GOLGA6L7: variants seen among roughly 807,000 people sequenced by gnomAD.
GOLGA6L7 encodes golgin subfamily A member 6-like protein 7.
A neutral mutation model predicts 68.9 loss-of-function variants in GOLGA6L7; 29 were observed. The observed-to-expected ratio is 0.42, with a 90% CI of 0.31 to 0.57. GOLGA6L7 has a LOEUF of 0.57. Among genes scored for constraint, GOLGA6L7 ranks in the 20% least tolerant of loss-of-function variants. GOLGA6L7 has a pLI of 0.13. For synonymous variants in GOLGA6L7, 133 were observed against 197.4 expected (o/e 0.67, Z 2.73); for missense variants, 396 against 588.4 (o/e 0.67, Z 3.38).
At chr15:28,846,185 G>A (rs1448228535) in intron 3 of GOLGA6L7, 35 bp downstream of exon 3, 20 of 734,898 alleles carry the variant, frequency 2.7e-5, no homozygotes, top group Admixed American at 1.9e-4. Context: ...CAAACCCAGC[G>A]GTCATGTCGT....
intron 2 of GOLGA6L7, 139 bp downstream of exon 2, chr15:28,846,925 C>A (rs76540188): frequency 3.8e-6 from 2 of 532,030 alleles, no homozygotes; most frequent in African/African-American, 3.0e-5. Context: ...GTGTCCCTCG[C>A]AGTTGGAGAG....
At chr15:28,843,711 C>A (rs1397990988) in intron 8 of GOLGA6L7, 23 bp downstream of exon 8, 25 of 645,478 alleles carry the variant, frequency 3.9e-5, no homozygotes, top group Non-Finnish European at 6.1e-5. Context: ...GGCTCCCACA[C>A]CCCCGGGGCT....
chr15:28,844,051 C>G (rs1445168195), intron 7 of GOLGA6L7, among the ~76,000 whole-genome samples, 154 bp downstream of exon 7: 1 of 152,036 alleles, frequency 6.6e-6, no homozygotes, highest in Non-Finnish European at 1.5e-5. Flanking sequence ...GAGGCTACCC[C>G]ATGAGTCAGT....
At chr15:28,845,044 T>C (rs1475189816) in intron 6 of GOLGA6L7, 1 of 264,910 alleles carries the variant, frequency 3.8e-6, no homozygotes, top group East Asian at 1.1e-4. Flanking sequence ...GGAAATATCT[T>C]CCCCCAACAC....
rs1248588600 is a variant in GOLGA6L7, at chr15:28,842,829, C to T, written c.1275G>A (p.Gln425=). 1 of 1,248,488 alleles carries T rather than the reference C, an allele frequency of 8.0e-7. No homozygotes were observed. Among genetic ancestry groups the T allele is most frequent in the East Asian group, 3.1e-5 (1 of 31,778 alleles). 77.3% of individuals were successfully genotyped at this position (1,248,488 alleles called of 1,614,324 possible). Residue 425 remains glutamine, a synonymous_variant, in exon 9 of 9, where the codon CAG becomes CAA. Coordinates refer to ENST00000567390, the MANE Select transcript of GOLGA6L7 (RefSeq NM_001365371.2). ...CCTCCTGCTTCCGGATCTGCTCCTC[C>T]TGCTCCCCCATCTGCTCCTCCTGCT... The part of the protein sequence containing the change: ...MRKQEEQMGE[Q]EEQIRKQEEQ...
rs2030217172 is a variant in GOLGA6L7 at position 28,842,334 on chromosome 15, T to G, written c.1770A>C (p.Gly590=). 8 of 1,231,056 alleles carry G rather than the reference T, an allele frequency of 6.5e-6. No homozygotes were observed. In the South Asian group the frequency reaches 3.3e-4, roughly 51 times the overall value. 76.3% of individuals were successfully genotyped at this position (1,231,056 alleles called of 1,614,324 possible). A position where few individuals can be genotyped will look rare whatever the true frequency, so the allele number is the denominator to read the frequency against. ...CTGGGCGCTCCTGGGCGTTCTTCATTCCAGGGGGCAGCTGCATGATCTGTG... is the reference window on the plus strand; with the variant it reads ...CTGGGCGCTCCTGGGCGTTCTTCATGCCAGGGGGCAGCTGCATGATCTGTG... ...RTAQIMQLPP[G]MKNAQERPGL... The change falls in exon 9 of 9, where the codon GGA becomes GGC. Residue 590 remains glycine, a synonymous_variant. Coordinates refer to ENST00000567390, the MANE Select transcript of GOLGA6L7 (RefSeq NM_001365371.2).
In GOLGA6L7 at chr15:28,843,731, C is replaced by T. The variant is rs1406795965; in HGVS notation, c.663+3G>A. Reference sequence around the variant, plus strand: ...CCACACCCCCGGGGCTGCCGCCGCTCACCTGTGGCAGCGGGATTTTGTCCG... The same window carrying T: ...CCACACCCCCGGGGCTGCCGCCGCTTACCTGTGGCAGCGGGATTTTGTCCG... On this transcript the variant is annotated splice_donor_region_variant and intron_variant, in intron 8 of 8. Coordinates refer to ENST00000567390, the MANE Select transcript of GOLGA6L7 (RefSeq NM_001365371.2). The T allele has an allele frequency of 3.0e-6, 2 of 656,990 alleles. No homozygotes were observed. The highest frequency in any genetic ancestry group is 1.8e-5 in the African/African-American group (1 of 55,260). The allele number at this position is 656,990 out of a possible 1,614,324, so 40.7% of individuals were successfully genotyped here.
intron 8 of GOLGA6L7, 116 bp downstream of exon 8, chr15:28,843,618 G>C: frequency 1.8e-6 from 1 of 563,266 alleles, no homozygotes; most frequent in Non-Finnish European, 3.1e-6. Context: ...GGTGGGACCA[G>C]AACAAGGACC....
intron 1 of GOLGA6L7, among the ~76,000 whole-genome samples, chr15:28,847,832 A>G (rs542475448): frequency 6.6e-6 from 1 of 152,366 alleles, no homozygotes; most frequent in African/African-American, 2.4e-5. Flanking sequence ...AGCAAATCTC[A>G]CTTCAAAGAT....
intron 2 of GOLGA6L7, chr15:28,846,601 C>T (rs557216847): frequency 2.4e-3 from 1,067 of 446,102 alleles, no homozygotes; most frequent in African/African-American, 0.017. Context: ...GGGCCGGGGA[C>T]GGTTCTTCAC....
chr15:28,848,268 G>T (rs2141057567), intron 1 of GOLGA6L7, among the ~76,000 whole-genome samples: 1 of 152,224 alleles, frequency 6.6e-6, no homozygotes, highest in East Asian at 1.9e-4. Flanking sequence ...AAAGCAGGGA[G>T]CCCCACGAGT....
chr15:28,848,533 G>GT lies in GOLGA6L7; in HGVS notation c.16dup (p.Thr6AsnfsTer41), dbSNP rs1486167223. On this transcript the variant is annotated frameshift_variant, in exon 1 of 9. Transcript: ENST00000567390. LOFTEE classifies it high-confidence loss of function. ...GGTCCCAGCCAATTTTCTTTGTTGGGTTTTTTCGGACATCATGGGGTGGGG... is the reference window on the plus strand; with the variant it reads ...GGTCCCAGCCAATTTTCTTTGTTGGGTTTTTTTCGGACATCATGGGGTGGGG... 3 of 548,292 alleles carry GT rather than the reference G, an allele frequency of 5.5e-6. No individual in the cohort carries two copies. Among genetic ancestry groups the GT allele is most frequent in the Non-Finnish European group, 6.9e-6 (2 of 289,538 alleles). The allele number at this position is 548,292 out of a possible 1,614,324, so 34.0% of individuals were successfully genotyped here. A position where few individuals can be genotyped will look rare whatever the true frequency, so the allele number is the denominator to read the frequency against.
chr15:28,844,714 A>G (rs1258993835), intron 6 of GOLGA6L7, among the ~76,000 whole-genome samples: 1 of 152,202 alleles, frequency 6.6e-6, no homozygotes, highest in Non-Finnish European at 1.5e-5. Flanking sequence ...TATTACTGTT[A>G]TTATTACCAC....
intron 6 of GOLGA6L7, 27 bp downstream of exon 6, chr15:28,845,502 G>C (rs1567382282): frequency 5.7e-6 from 4 of 703,590 alleles, no homozygotes; most frequent in Non-Finnish European, 1.0e-5. Context: ...TGGGCTCCCA[G>C]GGGACCGGGT....
chr15:28,846,068 G>T (rs2030415869), intron 3 of GOLGA6L7, 118 bp from the exon 4 acceptor site: 7 of 776,102 alleles, frequency 9.0e-6, no homozygotes, highest in East Asian at 2.7e-5. Context: ...ATGGGACCAG[G>T]TTATCAGGGA....
intron 6 of GOLGA6L7, chr15:28,844,984 T>G (rs559121428): frequency 5.3e-6 from 1 of 186,920 alleles, no homozygotes; most frequent in South Asian, 1.1e-4. Flanking sequence ...TTTGTTGATT[T>G]TTGAAAGAAT....
At chr15:28,845,247 C>A in intron 6 of GOLGA6L7, 1 of 564,116 alleles carries the variant, frequency 1.8e-6, no homozygotes, top group Non-Finnish European at 3.2e-6. Context: ...GTACCCTCAA[C>A]TCCGCCTAGG....
intron 5 of GOLGA6L7, 25 bp from the exon 6 acceptor site, chr15:28,845,660 A>C (rs773175965): frequency 1.3e-6 from 1 of 745,158 alleles, no homozygotes; most frequent in Non-Finnish European, 2.4e-6. Context: ...GTTGAGCTGC[A>C]GCCCAAAGGC....
intron 6 of GOLGA6L7, chr15:28,845,269 G>A (rs1289644630): frequency 1.7e-6 from 1 of 585,326 alleles, no homozygotes; most frequent in Non-Finnish European, 3.1e-6. Context: ...TTTGACCAAG[G>A]CCACAGCCAA....
Sources: allele counts gnomAD v4.1 joint callset (sites outside exome capture counted in the v4.1 genomes callset), GRCh38; gene constraint gnomAD v4.1.1; transcripts MANE v1.5; gene names NCBI Gene and HGNC (gene_info 2026-07-23, HGNC 2026-07-21).